The following SYT13 variants were observed in gnomAD, a reference collection of about 807,000 sequenced individuals.
SYT13 encodes the protein synaptotagmin 13, also known as synaptotagmin-13.
In SYT13, 21 loss-of-function variants were observed where a neutral mutation model predicts 38.6. The observed-to-expected ratio is 0.54, with a 90% CI of 0.39 to 0.78. SYT13 has a LOEUF of 0.78. Among genes scored for constraint, SYT13 ranks in the 30% least tolerant of loss-of-function variants. The probability of loss-of-function intolerance (pLI) is 0.00; values close to 1 mark genes in which losing one functional copy is unlikely to be tolerated. For missense variants in SYT13, 495 were observed against 548.7 expected (o/e 0.90, Z 0.98); for synonymous variants, 241 against 237.6 (o/e 1.01, Z -0.13).
intron 1 of SYT13, among the ~76,000 whole-genome samples, chr11:45,277,884 A>G (rs1464546807): frequency 1.3e-5 from 2 of 152,214 alleles, no homozygotes; most frequent in Non-Finnish European, 2.9e-5. Context: ...CTCTTCTTCT[A>G]TAAACTCTGG....
intron 4 of SYT13, among the ~76,000 whole-genome samples, chr11:45,247,002 A>T (rs1049186975): frequency 1.3e-5 from 2 of 152,080 alleles, no homozygotes; most frequent in African/African-American, 2.4e-5. Context: ...CAGCTCCAGG[A>T]GGTTGCTTCA....
intron 5 of SYT13, among the ~76,000 whole-genome samples, chr11:45,245,391 T>C (rs1218828493): frequency 6.6e-6 from 1 of 152,228 alleles, no homozygotes; most frequent in Non-Finnish European, 1.5e-5. Context: ...GTACTGTAAT[T>C]GTCCTGACAG....
chr11:45,282,826 T>C (rs1455779670), intron 1 of SYT13, among the ~76,000 whole-genome samples: 1 of 152,166 alleles, frequency 6.6e-6, no homozygotes, highest in Non-Finnish European at 1.5e-5. Flanking sequence ...TACAGACCCT[T>C]TGGTGGGAGG....
chr11:45,264,327 C>G (rs964155861), intron 1 of SYT13, among the ~76,000 whole-genome samples: 1 of 152,100 alleles, frequency 6.6e-6, no homozygotes, highest in South Asian at 2.1e-4. Flanking sequence ...TGACTTGCTT[C>G]GAATGAACAG....
At position 45,246,488 on chromosome 11, in the gene SYT13, C is replaced by T. The variant is rs1334380394; in HGVS notation, c.871G>A (p.Val291Ile). 1 of 1,614,132 alleles carries T rather than the reference C, an allele frequency of 6.2e-7. No individual in the cohort carries two copies. Among genetic ancestry groups the T allele is most frequent in the Admixed American group, 1.7e-5 (1 of 60,016 alleles). The change falls in exon 5 of 6, where the codon GTC becomes ATC. Residue 291 changes from valine (V) to isoleucine (I), a missense_variant. Transcript: ENST00000020926. ...GGGAGGTAGCTGATGGATAGTAGGA[C>T]CTCTCCAGCTCCTGCAGATGGCTCC... Reference protein sequence around the residue: ...AKEPSAGAGEVLLSISYLPAA... With the variant: ...AKEPSAGAGEILLSISYLPAA...
chr11:45,268,485 C>T (rs191702058), intron 1 of SYT13, among the ~76,000 whole-genome samples: 75 of 152,236 alleles, frequency 4.9e-4, no homozygotes, highest in African/African-American at 1.7e-3. Context: ...AAAGAAAACC[C>T]ATCATATGCA....
chr11:45,283,102 C>CA (rs1293106223), intron 1 of SYT13, among the ~76,000 whole-genome samples: 1 of 152,198 alleles, frequency 6.6e-6, no homozygotes, highest in Non-Finnish European at 1.5e-5. Flanking sequence ...GAGCCGTGAT[C>CA]ACACCACTGC....
chr11:45,282,236 C>A (rs1417330173), intron 1 of SYT13, among the ~76,000 whole-genome samples: 1 of 152,214 alleles, frequency 6.6e-6, no homozygotes, highest in Non-Finnish European at 1.5e-5. Context: ...TCCCAGGTGA[C>A]CTGCCAGGCC....
intron 2 of SYT13, among the ~76,000 whole-genome samples, chr11:45,254,874 G>A (rs2902429): frequency 0.44 from 67,146 of 151,880 alleles, 15,055 homozygotes; most frequent in African/African-American, 0.47. Flanking sequence ...AGCACTTCGA[G>A]AGGCCAAGGC....
chr11:45,279,703 G>A (rs757765950), intron 1 of SYT13, among the ~76,000 whole-genome samples: 8 of 152,182 alleles, frequency 5.3e-5, no homozygotes, highest in Admixed American at 2.0e-4. Context: ...ATACTTCATT[G>A]TGGTGGTGGT....
chr11:45,268,410 G>A (rs1030193784), intron 1 of SYT13, among the ~76,000 whole-genome samples: 2 of 151,932 alleles, frequency 1.3e-5, no homozygotes, highest in African/African-American at 2.4e-5. Context: ...GGGGTGGGGC[G>A]CAGGAGTTGT....
At chr11:45,251,851 C>A (rs1854680559) in intron 4 of SYT13, among the ~76,000 whole-genome samples, 1 of 152,228 alleles carries the variant, frequency 6.6e-6, no homozygotes, top group African/African-American at 2.4e-5. Context: ...CTGCCCCCAG[C>A]CCTGATTGCT....
At chr11:45,268,327 C>CT (rs1367643069) in intron 1 of SYT13, among the ~76,000 whole-genome samples, 1 of 139,730 alleles carries the variant, frequency 7.2e-6, no homozygotes, top group Non-Finnish European at 1.5e-5. Flanking sequence ...ACCCAAAAAG[C>CT]TATTTCCCTT....
intron 1 of SYT13, among the ~76,000 whole-genome samples, chr11:45,267,065 C>T (rs1354388371): frequency 6.6e-6 from 1 of 152,254 alleles, no homozygotes; most frequent in Non-Finnish European, 1.5e-5. Flanking sequence ...CTTAAATCCT[C>T]ATAATAACCT....
chr11:45,276,062 G>A (rs376658692), intron 1 of SYT13, among the ~76,000 whole-genome samples: 4 of 152,230 alleles, frequency 2.6e-5, no homozygotes, highest in South Asian at 2.1e-4. Context: ...TTGAAAACTC[G>A]CCAGCTACTG....
intron 1 of SYT13, among the ~76,000 whole-genome samples, chr11:45,270,827 G>A (rs960714875): frequency 1.3e-5 from 2 of 152,164 alleles, no homozygotes; most frequent in Non-Finnish European, 1.5e-5. Flanking sequence ...AAAAACAGCC[G>A]AGATATAAAG....
At chr11:45,245,188 T>A (rs1050166989) in intron 5 of SYT13, among the ~76,000 whole-genome samples, 3 of 152,220 alleles carry the variant, frequency 2.0e-5, no homozygotes, top group Non-Finnish European at 4.4e-5. Context: ...CCAAGAGAGC[T>A]GGCCCCAAGG....
chr11:45,251,790 TG>T lies in SYT13; in HGVS notation c.846+630del, dbSNP rs144351215. Among the ~76,000 whole-genome samples the T allele has an allele frequency of 7.2e-3, 1,089 of 152,250 alleles. 14 individuals are homozygous for T. The highest frequency in any genetic ancestry group is 0.025 in the African/African-American group (1,042 of 41,542). ...ACTTGTGGCCCCCCAACAGCAGATA[TG>T]GGGAAATCATCTTGAGTCTGGGGAT... On this transcript the variant is annotated intron_variant, in intron 4 of 5. Coordinates refer to ENST00000020926, the MANE Select transcript of SYT13 (RefSeq NM_020826.3).
intron 1 of SYT13, among the ~76,000 whole-genome samples, chr11:45,259,305 T>G (rs1001014996): frequency 6.6e-6 from 1 of 152,198 alleles, no homozygotes; most frequent in African/African-American, 2.4e-5. Flanking sequence ...TTTGTGTTTA[T>G]ATTTGGTTTC....
Sources: allele counts gnomAD v4.1 joint callset (sites outside exome capture counted in the v4.1 genomes callset), GRCh38; gene constraint gnomAD v4.1.1; transcripts MANE v1.5; gene names NCBI Gene and HGNC (gene_info 2026-07-23, HGNC 2026-07-21).